Variants in PSMB7 observed in about 807,000 individuals in gnomAD.
PSMB7 encodes proteasome subunit beta type-7.
PSMB7 carries 5 observed loss-of-function variants against 28.1 expected under a neutral mutation model. The ratio of observed to expected loss-of-function variants is 0.18; its 90% CI spans 0.09 to 0.37. PSMB7 has a LOEUF of 0.37. Ranked by LOEUF, PSMB7 falls within the 10% of genes least tolerant of loss-of-function variation. The pLI, the probability that PSMB7 is intolerant of heterozygous loss-of-function variation, is 1.00. For synonymous variants in PSMB7, 122 were observed against 123.7 expected (o/e 0.99, Z 0.09); for missense variants, 275 against 346.2 (o/e 0.79, Z 1.63).
chr9:124,373,280 T>C (rs1174200474), intron 6 of PSMB7, among the ~76,000 whole-genome samples: 2 of 152,224 alleles, frequency 1.3e-5, no homozygotes, highest in African/African-American at 2.4e-5. Context: ...CTTAGAATAA[T>C]TCCATACAGG....
Position 124,377,240 on chromosome 9 carries a change from A to C in PSMB7, c.570+7358T>G, listed in dbSNP as rs551381129. On this transcript the variant is annotated intron_variant, in intron 6 of 7. Coordinates refer to ENST00000259457, the MANE Select transcript of PSMB7 (RefSeq NM_002799.4). Reference sequence around the variant, plus strand: ...CTCTGTTCCGATCGCACAGACAAGGATGCCCCTCTTCCCAGAGTCCTGCTG... The same window carrying C: ...CTCTGTTCCGATCGCACAGACAAGGCTGCCCCTCTTCCCAGAGTCCTGCTG... Among the ~76,000 whole-genome samples the C allele has an allele frequency of 2.4e-4, 36 of 152,320 alleles. No individual in the cohort carries two copies. In the East Asian group the frequency reaches 6.9e-3, roughly 29 times the overall value.
At chr9:124,358,947 G>T (rs754338014) in intron 6 of PSMB7, among the ~76,000 whole-genome samples, 1 of 152,176 alleles carries the variant, frequency 6.6e-6, no homozygotes, top group Non-Finnish European at 1.5e-5. Flanking sequence ...GGAAATATAC[G>T]AATGACATGA....
At chr9:124,366,793 A>T (rs1830512624) in intron 6 of PSMB7, among the ~76,000 whole-genome samples, 1 of 152,272 alleles carries the variant, frequency 6.6e-6, no homozygotes, top group Non-Finnish European at 1.5e-5. Flanking sequence ...AGATACACAA[A>T]TACTTACTGC....
At chr9:124,403,688 G>A (rs1327695011) in intron 5 of PSMB7, among the ~76,000 whole-genome samples, 1 of 152,150 alleles carries the variant, frequency 6.6e-6, no homozygotes, top group African/African-American at 2.4e-5. Context: ...GGTGTGGTAG[G>A]TATTACCAAT....
At position 124,387,118 on chromosome 9, in the gene PSMB7, C is replaced by T. The variant is rs528751555; in HGVS notation, c.512-2462G>A. ...AACATTAGCCGAGCATGGTGGTGGGCGCCTGTAGTCCCAGCTACGCAGGAG... is the reference window on the plus strand; with the variant it reads ...AACATTAGCCGAGCATGGTGGTGGGTGCCTGTAGTCCCAGCTACGCAGGAG... On this transcript the variant is annotated intron_variant, in intron 5 of 7. Coordinates refer to ENST00000259457, the MANE Select transcript of PSMB7 (RefSeq NM_002799.4). Among the ~76,000 whole-genome samples, 199 of 152,092 alleles carry T rather than the reference C, an allele frequency of 1.3e-3. 1 individual carries two copies. Among genetic ancestry groups the T allele is most frequent in the South Asian group, 2.9e-3 (14 of 4,806 alleles).
chr9:124,393,657 A>T (rs1377339999), intron 5 of PSMB7, among the ~76,000 whole-genome samples: 1 of 152,248 alleles, frequency 6.6e-6, no homozygotes, highest in Non-Finnish European at 1.5e-5. Flanking sequence ...AATTTAAAAC[A>T]CCACTTGAAG....
At chr9:124,369,516 A>T (rs1830540893) in intron 6 of PSMB7, among the ~76,000 whole-genome samples, 1 of 152,154 alleles carries the variant, frequency 6.6e-6, no homozygotes, top group African/African-American at 2.4e-5. Context: ...CAGCTTTCTA[A>T]ACTAAATATT....
chr9:124,415,167 G>A, intron 1 of PSMB7, 197 bp downstream of exon 1: 2 of 651,020 alleles, frequency 3.1e-6, no homozygotes, highest in East Asian at 2.7e-5. Context: ...CGAGTGCGCT[G>A]GGAAGGTGGG....
At chr9:124,358,919 G>A (rs535138587) in intron 6 of PSMB7, among the ~76,000 whole-genome samples, 1 of 152,356 alleles carries the variant, frequency 6.6e-6, no homozygotes, top group African/African-American at 2.4e-5. Flanking sequence ...ATGGGGACAG[G>A]TGAAGACTTG....
chr9:124,360,302 A>G (rs1186854181), intron 6 of PSMB7, among the ~76,000 whole-genome samples: 2 of 152,260 alleles, frequency 1.3e-5, no homozygotes, highest in Admixed American at 6.5e-5. Flanking sequence ...CGCAAGAAGC[A>G]CTGTCTCTTC....
intron 5 of PSMB7, among the ~76,000 whole-genome samples, chr9:124,394,266 G>C (rs1830820382): frequency 6.6e-6 from 1 of 152,206 alleles, no homozygotes; most frequent in African/African-American, 2.4e-5. Context: ...ACTACACAGT[G>C]AAAAGCCTTC....
intron 5 of PSMB7, among the ~76,000 whole-genome samples, chr9:124,386,146 T>TAAA (rs200787837): frequency 4.9e-5 from 6 of 123,240 alleles, no homozygotes; most frequent in Non-Finnish European, 3.5e-5. Context: ...TTTTTCTCCT[T>TAAA]AAAAAAAAAA....
At position 124,415,417 on chromosome 9, in the gene PSMB7, A is replaced by T. The variant is rs368218092; in HGVS notation, c.9T>A (p.Ala3=). ...CAACTGGTGGAGCATACACCGACAC[A>T]GCCGCCATCTTCCCAAGAAAGCAGT... MA[A]VSVYAPPVGG... is the part of the protein sequence containing the mutation. Residue 3 remains alanine, a synonymous_variant, in exon 1 of 8, where the codon GCT becomes GCA. Transcript: ENST00000259457. 5.6e-6 allele frequency: 9 copies of T among 1,614,166 alleles called. No individual in the cohort carries two copies. The highest frequency in any genetic ancestry group is 7.6e-6 in the Non-Finnish European group (9 of 1,180,006).
rs180912955 is a variant in PSMB7 at position 124,413,899 on chromosome 9, A to G, written c.254+9T>C. On this transcript the variant is annotated intron_variant, in intron 3 of 7. Coordinates refer to ENST00000259457, the MANE Select transcript of PSMB7 (RefSeq NM_002799.4). ...AATATAAGAGTTATTCAAACGAATC[A>G]ATACTTACTAAATATTAGGAGATAT... The G allele has an allele frequency of 5.7e-6, 9 of 1,569,594 alleles. 1 individual carries two copies. In the Admixed American group the frequency reaches 1.5e-4, roughly 26 times the overall value.
At chr9:124,371,801 CACTT>C (rs1442394340) in intron 6 of PSMB7, among the ~76,000 whole-genome samples, 9 of 152,214 alleles carry the variant, frequency 5.9e-5, no homozygotes, top group African/African-American at 2.2e-4. Context: ...AGTCTCCAAA[CACTT>C]ACGAATTCAA....
At chr9:124,366,384 ACT>A (rs1830508764) in intron 6 of PSMB7, among the ~76,000 whole-genome samples, 1 of 152,202 alleles carries the variant, frequency 6.6e-6, no homozygotes, top group Admixed American at 6.5e-5. Context: ...CCTGGGCAAG[ACT>A]CTGTCTCAAA....
At chr9:124,395,406 T>C (rs1287465097) in intron 5 of PSMB7, among the ~76,000 whole-genome samples, 1 of 151,372 alleles carries the variant, frequency 6.6e-6, no homozygotes. Flanking sequence ...GGTAGGAGGA[T>C]CACTTGAGCT....
At chr9:124,388,894 C>T (rs1021455503) in intron 5 of PSMB7, among the ~76,000 whole-genome samples, 1 of 152,198 alleles carries the variant, frequency 6.6e-6, no homozygotes, top group Non-Finnish European at 1.5e-5. Context: ...GTTTATCACT[C>T]TCATCTCTGC....
At chr9:124,406,242 C>T (rs574091569) in intron 4 of PSMB7, among the ~76,000 whole-genome samples, 14 of 152,164 alleles carry the variant, frequency 9.2e-5, no homozygotes, top group African/African-American at 3.1e-4. Context: ...GTGGCTCACA[C>T]CTATAATCCC....
Sources: allele counts gnomAD v4.1 joint callset (sites outside exome capture counted in the v4.1 genomes callset), GRCh38; gene constraint gnomAD v4.1.1; transcripts MANE v1.5; gene names NCBI Gene and HGNC (gene_info 2026-07-23, HGNC 2026-07-21).